The following NCOR1 variants were observed in gnomAD, a reference collection of about 807,000 sequenced individuals.
NCOR1 encodes nuclear receptor corepressor 1.
In NCOR1, 63 loss-of-function variants were observed where a neutral mutation model predicts 288.1. The ratio of observed to expected loss-of-function variants is 0.22; its 90% CI spans 0.18 to 0.27. The LOEUF (loss-of-function observed/expected upper bound fraction) is 0.27. Ranked by LOEUF, NCOR1 falls within the 10% of genes least tolerant of loss-of-function variation. NCOR1 has a pLI of 1.00. For missense variants in NCOR1, 2,397 were observed against 3,019.2 expected (o/e 0.79, Z 4.83); for synonymous variants, 1,007 against 1,065.9 (o/e 0.94, Z 1.08).
chr17:16,070,809 C>A (rs1248562501), intron 30 of NCOR1, among the ~76,000 whole-genome samples: 2 of 152,200 alleles, frequency 1.3e-5, no homozygotes, highest in African/African-American at 4.8e-5. Flanking sequence ...GTGGGCAGAT[C>A]ACCTGAGGTC....
intron 14 of NCOR1, among the ~76,000 whole-genome samples, chr17:16,134,536 T>G (rs994464359): frequency 6.6e-5 from 10 of 152,142 alleles, no homozygotes; most frequent in African/African-American, 2.2e-4. Context: ...GCAACAAGAA[T>G]GTACAGAAGA....
At chr17:16,125,500 G>A (rs2073855981) in intron 15 of NCOR1, among the ~76,000 whole-genome samples, 1 of 151,836 alleles carries the variant, frequency 6.6e-6, no homozygotes, top group Admixed American at 6.6e-5. Flanking sequence ...GTCAGGAGAT[G>A]GAGACCATCC....
chr17:16,049,111 G>GA (rs1388352160), intron 40 of NCOR1, 123 bp from the exon 41 acceptor site: 3 of 1,022,182 alleles, frequency 2.9e-6, no homozygotes, highest in Non-Finnish European at 2.7e-6. Context: ...ATTTCTATCA[G>GA]AAAAAAAGTT....
At chr17:16,041,744 A>T (rs148482536) in intron 42 of NCOR1, among the ~76,000 whole-genome samples, 3,136 of 149,346 alleles carry the variant, frequency 0.021, 118 homozygotes, top group African/African-American at 0.073. Flanking sequence ...TTTATTAATT[A>T]ATTTATTTTT....
chr17:16,093,682 A>G (rs1373649357), intron 21 of NCOR1, among the ~76,000 whole-genome samples: 6 of 152,180 alleles, frequency 3.9e-5, no homozygotes, highest in Non-Finnish European at 8.8e-5. Context: ...CCTAAAACCC[A>G]TAACTTTCTT....
chr17:16,157,356 C>A (rs912017332), intron 6 of NCOR1, among the ~76,000 whole-genome samples: 2 of 152,134 alleles, frequency 1.3e-5, no homozygotes, highest in African/African-American at 4.8e-5. Context: ...CATATTTTTA[C>A]CTGCCCATAA....
At chr17:16,068,681 T>C (rs1487297223) in intron 31 of NCOR1, among the ~76,000 whole-genome samples, 1 of 151,936 alleles carries the variant, frequency 6.6e-6, no homozygotes, top group African/African-American at 2.4e-5. Context: ...CACCAATAAA[T>C]ATATATTCAA....
intron 21 of NCOR1, among the ~76,000 whole-genome samples, chr17:16,096,919 T>C (rs2066732677): frequency 1.3e-5 from 2 of 152,200 alleles, no homozygotes; most frequent in South Asian, 2.1e-4. Flanking sequence ...AAATGTGATA[T>C]ACAGATACAA....
intron 2 of NCOR1, among the ~76,000 whole-genome samples, chr17:16,190,420 C>T (rs2087916023): frequency 6.6e-6 from 1 of 151,956 alleles, no homozygotes; most frequent in African/African-American, 2.4e-5. Context: ...CTGCAAGCTC[C>T]GCCTCCCGGG....
rs915307995 is a variant in NCOR1, at chr17:16,137,297, G to C, written c.1509+14C>G. On this transcript the variant is annotated intron_variant, in intron 14 of 45. Transcript: ENST00000268712. ...CAATCCTGAAATATCTTCCATACAA[G>C]TAAGAAAACACACCTGGTTTCTGCC... 9.7e-6 allele frequency: 15 copies of C among 1,547,008 alleles called. No homozygotes were observed. In the African/African-American group the frequency reaches 1.9e-4, roughly 20 times the overall value.
At position 16,163,482 on chromosome 17, in the gene NCOR1, G is replaced by A. The variant is rs62072476; in HGVS notation, c.618+1497C>T. Among the ~76,000 whole-genome samples the A allele has an allele frequency of 4.1e-3, 630 of 152,118 alleles. 7 individuals are homozygous for A. The highest frequency in any genetic ancestry group is 0.015 in the African/African-American group (608 of 41,510). Reference sequence around the variant, plus strand: ...CTAGATACCACTTCACATCTCCAAGGATGGCTATATTTTTTTAAAAAAGGA... The same window carrying A: ...CTAGATACCACTTCACATCTCCAAGAATGGCTATATTTTTTTAAAAAAGGA... On this transcript the variant is annotated intron_variant, in intron 5 of 45. Transcript: ENST00000268712.
chr17:16,127,639 ATATGTG>A (rs1405745610), intron 14 of NCOR1, among the ~76,000 whole-genome samples: 1 of 144,734 alleles, frequency 6.9e-6, no homozygotes, highest in Non-Finnish European at 1.5e-5. Context: ...ATATATGTAT[ATATGTG>A]TATGTGTATA....
At chr17:16,063,285 T>C (rs1421732421) in intron 35 of NCOR1, among the ~76,000 whole-genome samples, 2 of 152,140 alleles carry the variant, frequency 1.3e-5, no homozygotes. Context: ...CTTCAAGGGA[T>C]CATCCTACTT....
At chr17:16,175,828 C>G (rs1326951889) in intron 3 of NCOR1, among the ~76,000 whole-genome samples, 2 of 115,348 alleles carry the variant, frequency 1.7e-5, no homozygotes, top group South Asian at 2.6e-4. Context: ...GAGACTTTGT[C>G]TCTTTTAAAA....
chr17:16,182,072 A>C (rs1336631573), intron 3 of NCOR1, among the ~76,000 whole-genome samples: 1 of 152,210 alleles, frequency 6.6e-6, no homozygotes, highest in Non-Finnish European at 1.5e-5. Context: ...TAGAAATTGG[A>C]AGGCACTCAG....
intron 20 of NCOR1, among the ~76,000 whole-genome samples, chr17:16,100,488 A>G (rs1466695313): frequency 6.6e-6 from 1 of 152,084 alleles, no homozygotes; most frequent in Non-Finnish European, 1.5e-5. Context: ...TAAAAATACA[A>G]AAATTAGCCA....
At chr17:16,088,687 T>C (rs973245507) in intron 22 of NCOR1, among the ~76,000 whole-genome samples, 2 of 152,202 alleles carry the variant, frequency 1.3e-5, no homozygotes, top group Admixed American at 6.5e-5. Context: ...ACAATATCTA[T>C]TTAGCCCTCA....
At chr17:16,193,582 CG>C (rs1261914640) in intron 2 of NCOR1, among the ~76,000 whole-genome samples, 2 of 151,980 alleles carry the variant, frequency 1.3e-5, no homozygotes, top group African/African-American at 4.8e-5. Context: ...AATTGGTAAT[CG>C]GATGAATAAC....
chr17:16,057,039 G>C (rs970277843), intron 40 of NCOR1: 5 of 154,236 alleles, frequency 3.2e-5, no homozygotes, highest in Admixed American at 2.6e-4. Context: ...TCACTATGTT[G>C]CCCAGGCTGG....
Sources: gnomAD v4.1 joint callset for allele counts (sites outside exome capture counted in the v4.1 genomes callset) on GRCh38, gnomAD v4.1.1 for gene constraint, MANE v1.5 for transcripts, NCBI Gene and HGNC (gene_info 2026-07-23, HGNC 2026-07-21) for gene names.